Variants in RERE observed in about 807,000 individuals in gnomAD.
RERE encodes the protein arginine-glutamic acid dipeptide repeats, also known as arginine-glutamic acid dipeptide repeats protein.
A neutral mutation model predicts 146.1 loss-of-function variants in RERE; 40 were observed. The ratio of observed to expected loss-of-function variants is 0.27; its 90% CI spans 0.21 to 0.36. RERE has a LOEUF of 0.36. Ranked by LOEUF, RERE falls within the 10% of genes least tolerant of loss-of-function variation. The pLI is 1.00. For synonymous variants in RERE, 1,003 were observed against 866.0 expected (o/e 1.16, Z -2.78); for missense variants, 1,933 against 2,138.7 (o/e 0.90, Z 1.90).
intron 1 of RERE, among the ~76,000 whole-genome samples, chr1:8,710,015 A>ACTC (rs1396069760): frequency 7.2e-5 from 11 of 151,834 alleles, no homozygotes; most frequent in Admixed American, 6.6e-4. Context: ...TCTTTCCATG[A>ACTC]CTCCTCCTAA....
intron 4 of RERE, among the ~76,000 whole-genome samples, chr1:8,586,669 G>T (rs1167491911): frequency 2.6e-5 from 4 of 152,290 alleles, no homozygotes; most frequent in African/African-American, 9.6e-5. Flanking sequence ...AGATGCCACA[G>T]ATGCACTATA....
intron 13 of RERE, among the ~76,000 whole-genome samples, chr1:8,365,178 G>A (rs1641754170): frequency 6.6e-6 from 1 of 152,214 alleles, no homozygotes; most frequent in African/African-American, 2.4e-5. Flanking sequence ...GCAATCCTGA[G>A]AAATTCCAAC....
intron 4 of RERE, among the ~76,000 whole-genome samples, chr1:8,587,149 AG>A (rs1416167441): frequency 1.3e-5 from 2 of 152,178 alleles, no homozygotes; most frequent in Admixed American, 1.3e-4. Flanking sequence ...GTCGAAAACC[AG>A]GAAGTCTTCA....
At chr1:8,575,504 C>T (rs1379310166) in intron 4 of RERE, among the ~76,000 whole-genome samples, 6 of 145,512 alleles carry the variant, frequency 4.1e-5, no homozygotes, top group East Asian at 2.0e-4. Context: ...GCTAGGACTA[C>T]AGGCCTGTGC....
chr1:8,798,289 T>C (rs1342678124), intron 1 of RERE, among the ~76,000 whole-genome samples: 5 of 151,782 alleles, frequency 3.3e-5, no homozygotes, highest in African/African-American at 1.2e-4. Flanking sequence ...CCCAGCTACC[T>C]GGGAGGCTGA....
intron 1 of RERE, among the ~76,000 whole-genome samples, chr1:8,716,914 C>T (rs1639776113): frequency 1.3e-5 from 2 of 152,168 alleles, no homozygotes; most frequent in Admixed American, 6.5e-5. Context: ...GGCTGTACTA[C>T]ATTTTGCAAC....
chr1:8,672,255 C>A (rs1017791479), intron 1 of RERE, among the ~76,000 whole-genome samples: 1 of 152,052 alleles, frequency 6.6e-6, no homozygotes, highest in African/African-American at 2.4e-5. Context: ...CTCACTGCAG[C>A]CTCCATGTCC....
At chr1:8,722,342 CT>C (rs1205702201) in intron 1 of RERE, among the ~76,000 whole-genome samples, 1 of 152,186 alleles carries the variant, frequency 6.6e-6, no homozygotes, top group African/African-American at 2.4e-5. Context: ...CTCCCATTAG[CT>C]TTTTCATCCA....
chr1:8,649,269 A>G (rs145446190), intron 2 of RERE, among the ~76,000 whole-genome samples: 2 of 134,630 alleles, frequency 1.5e-5, no homozygotes, highest in African/African-American at 5.8e-5. Context: ...TATACAATAG[A>G]GCCCCACAAG....
At chr1:8,598,902 T>C (rs558333432) in intron 4 of RERE, among the ~76,000 whole-genome samples, 22 of 152,336 alleles carry the variant, frequency 1.4e-4, no homozygotes, top group Non-Finnish European at 3.1e-4. Flanking sequence ...AATGTAAATA[T>C]ACCACAGCAC....
chr1:8,358,570 C>CTCTCCCGCAGCTCCCGCTCTCGGA lies in RERE; in HGVS notation c.3941_3964dup (p.Ile1314_Glu1321dup). 6.2e-7 allele frequency: 1 copy of CTCTCCCGCAGCTCCCGCTCTCGGA among 1,606,604 alleles called. No individual in the cohort carries two copies. The highest frequency in any genetic ancestry group is 8.5e-7 in the Non-Finnish European group (1 of 1,176,952). ...CTTCACCTCGAAGCCCGGCTTCATC[C>CTCTCCCGCAGCTCCCGCTCTCGGA]TCTCCCGCAGCTCCCGCTCTCGGAT... On this transcript the variant is annotated inframe_insertion, in exon 20 of 23. Transcript: ENST00000400908.
chr1:8,740,250 G>C (rs1640282200), intron 1 of RERE, among the ~76,000 whole-genome samples: 1 of 152,114 alleles, frequency 6.6e-6, no homozygotes, highest in Admixed American at 6.5e-5. Context: ...ACTGCTCCTA[G>C]ACTACAAAAC....
intron 12 of RERE, among the ~76,000 whole-genome samples, chr1:8,409,400 ACTGTCCACACTT>A: frequency 6.6e-6 from 1 of 152,322 alleles, no homozygotes; most frequent in Admixed American, 6.5e-5. Flanking sequence ...GAAAAGGAGA[ACTGTCCACACTT>A]CTGTCGGGAC....
chr1:8,360,570 G>C lies in RERE; in HGVS notation c.2937C>G (p.His979Gln). 2 of 1,163,842 alleles carry C rather than the reference G, an allele frequency of 1.7e-6. No individual in the cohort carries two copies. The highest frequency in any genetic ancestry group is 1.5e-5 in the South Asian group (1 of 66,966). 72.1% of individuals were successfully genotyped at this position (1,163,842 alleles called of 1,614,324 possible). A position where few individuals can be genotyped will look rare whatever the true frequency, so the allele number is the denominator to read the frequency against. Reference sequence around the variant, plus strand: ...GGGGTGGGGGGTGAGCCGACGGGGGGTGATGTGTGGACAGGGAGCTCAGGG... The same window carrying C: ...GGGGTGGGGGGTGAGCCGACGGGGGCTGATGTGTGGACAGGGAGCTCAGGG... ...LKPLSSLSTH[H>Q]PPSAHPPPLQ... Residue 979 changes from histidine (H) to glutamine (Q), a missense_variant, in exon 18 of 23, where the codon CAC becomes CAG. This residue lies in a region of RERE where 1,255 missense variants were observed against 1,153.8 expected (regional missense o/e 1.09). Coordinates refer to ENST00000400908, the MANE Select transcript of RERE (RefSeq NM_001042681.2).
chr1:8,520,901 C>A (rs7545384), intron 7 of RERE, among the ~76,000 whole-genome samples: 34,503 of 151,542 alleles, frequency 0.23, 5,591 homozygotes, highest in East Asian at 0.76. Flanking sequence ...GAATGAAGCA[C>A]CCCCAGAAAA....
At chr1:8,591,195 C>T (rs1646488330) in intron 4 of RERE, among the ~76,000 whole-genome samples, 1 of 152,162 alleles carries the variant, frequency 6.6e-6, no homozygotes, top group African/African-American at 2.4e-5. Context: ...AAGTAAAGAT[C>T]AAACCACCTG....
At chr1:8,725,153 A>T (rs2124478318) in intron 1 of RERE, among the ~76,000 whole-genome samples, 1 of 152,362 alleles carries the variant, frequency 6.6e-6, no homozygotes, top group Middle Eastern at 3.4e-3. Flanking sequence ...AATACATGAT[A>T]CTCGTTCCTG....
chr1:8,716,859 T>C (rs1246872813), intron 1 of RERE, among the ~76,000 whole-genome samples: 2 of 152,168 alleles, frequency 1.3e-5, no homozygotes, highest in African/African-American at 4.8e-5. Flanking sequence ...TCAATCTTTT[T>C]AAGACGTAGG....
intron 12 of RERE, among the ~76,000 whole-genome samples, chr1:8,418,762 T>C (rs1019148387): frequency 2.6e-5 from 4 of 152,268 alleles, no homozygotes; most frequent in African/African-American, 9.6e-5. Context: ...TTTTGTGTTA[T>C]TCCTAACATG....
Sources: gnomAD v4.1 joint callset for allele counts (sites outside exome capture counted in the v4.1 genomes callset) on GRCh38, gnomAD v4.1.1 for gene constraint, gnomAD v4.1.1 regional missense constraint, MANE v1.5 for transcripts, NCBI Gene and HGNC (gene_info 2026-07-23, HGNC 2026-07-21) for gene names.